Variants in CLMN observed in about 807,000 individuals in gnomAD.
CLMN encodes the protein calmin.
In CLMN, 57 loss-of-function variants were observed where a neutral mutation model predicts 92.7. That is an observed-to-expected ratio of 0.61 (90% confidence interval 0.50 to 0.77). CLMN has a LOEUF of 0.77. Among genes scored for constraint, CLMN ranks in the 30% least tolerant of loss-of-function variants. The pLI is 0.00. For missense variants in CLMN, 1,158 were observed against 1,237.5 expected (o/e 0.94, Z 0.96); for synonymous variants, 466 against 470.6 (o/e 0.99, Z 0.13).
intron 4 of CLMN, 97 bp from the exon 5 acceptor site, chr14:95,215,830 T>G (rs977029332): frequency 4.5e-6 from 2 of 444,542 alleles, no homozygotes; most frequent in African/African-American, 7.9e-5. Flanking sequence ...TGTGTGTGTG[T>G]GTGTGTGTGT....
intron 1 of CLMN, among the ~76,000 whole-genome samples, chr14:95,245,187 TA>T (rs1424893474): frequency 1.1e-4 from 4 of 37,680 alleles, no homozygotes; most frequent in African/African-American, 3.7e-4. Context: ...TATATATATA[TA>T]TATATAATAT....
In CLMN at chr14:95,217,400, G is replaced by A. The variant is rs549027217; in HGVS notation, c.325-1667C>T. Reference sequence around the variant, plus strand: ...TAGGCCTGGGCTTGCCTAATCGAGGGAGAGTTCTGGGTTCCCAAGCTGCAG... The same window carrying A: ...TAGGCCTGGGCTTGCCTAATCGAGGAAGAGTTCTGGGTTCCCAAGCTGCAG... On this transcript the variant is annotated intron_variant, in intron 4 of 12. Transcript: ENST00000298912. 6.4e-4 allele frequency among the ~76,000 whole-genome samples: 97 copies of A among 152,298 alleles called. 5 individuals are homozygous for A. The South Asian group carries it at 0.019, about 30-fold the overall frequency.
At chr14:95,314,877 C>T (rs767051294) in intron 1 of CLMN, among the ~76,000 whole-genome samples, 7 of 152,200 alleles carry the variant, frequency 4.6e-5, no homozygotes, top group Non-Finnish European at 1.0e-4. Flanking sequence ...AGGGGTAGTG[C>T]CCTGGCAGGC....
intron 9 of CLMN, among the ~76,000 whole-genome samples, chr14:95,197,401 GAAAA>G (rs578089369): frequency 2.0e-5 from 3 of 151,144 alleles, no homozygotes; most frequent in Non-Finnish European, 2.9e-5. Context: ...AAAGAAAAAA[GAAAA>G]AAAGAAAGAA....
intron 1 of CLMN, among the ~76,000 whole-genome samples, chr14:95,266,089 G>A (rs762576004): frequency 2.0e-5 from 3 of 152,212 alleles, no homozygotes; most frequent in African/African-American, 7.2e-5. Flanking sequence ...TTACAAATGC[G>A]TATCTAAAAG....
At chr14:95,261,556 CAGAAAGGCTGCA>C (rs1488050245) in intron 1 of CLMN, among the ~76,000 whole-genome samples, 1 of 152,242 alleles carries the variant, frequency 6.6e-6, no homozygotes, top group Non-Finnish European at 1.5e-5. Context: ...TGCTGAAGTG[CAGAAAGGCTGCA>C]ATATTCCCTG....
At chr14:95,236,197 G>A (rs1007826425) in intron 1 of CLMN, among the ~76,000 whole-genome samples, 2 of 152,320 alleles carry the variant, frequency 1.3e-5, no homozygotes, top group African/African-American at 4.8e-5. Context: ...GAACATGGCC[G>A]CTCAGTGAAA....
At chr14:95,319,303 T>TCACACACACACA (rs60670197) in intron 1 of CLMN, among the ~76,000 whole-genome samples, 12 of 144,106 alleles carry the variant, frequency 8.3e-5, no homozygotes, top group South Asian at 2.3e-4. Flanking sequence ...GTGCGCGAAC[T>TCACACACACACA]CACACACACA....
chr14:95,222,712 A>C (rs1483817189), intron 3 of CLMN: 1 of 418,958 alleles, frequency 2.4e-6, no homozygotes, highest in Non-Finnish European at 4.8e-6. Flanking sequence ...TAAGAAACCA[A>C]ATACTGTTGA....
rs1896499379 is a variant in CLMN at position 95,188,963 on chromosome 14, A to G, written c.*2601T>C. ...CCCATGTTCTCTTCCTCAGGAAGTT[A>G]TTAAAGAATGTGCCACACCAAAAAA... On this transcript the variant is annotated 3_prime_UTR_variant, in exon 13 of 13. Transcript: ENST00000298912. 6.7e-6 allele frequency: 1 copy of G among 149,896 alleles called. No homozygotes were observed. The highest frequency in any genetic ancestry group is 1.5e-5 in the Non-Finnish European group (1 of 67,644). 9.3% of individuals were successfully genotyped at this position (149,896 alleles called of 1,614,324 possible). A position where few individuals can be genotyped will look rare whatever the true frequency, so the allele number is the denominator to read the frequency against.
At chr14:95,236,113 C>G (rs1898046736) in intron 1 of CLMN, among the ~76,000 whole-genome samples, 1 of 152,242 alleles carries the variant, frequency 6.6e-6, no homozygotes, top group South Asian at 2.1e-4. Flanking sequence ...CTGTAAGCCT[C>G]AAACATTCCT....
intron 8 of CLMN, among the ~76,000 whole-genome samples, chr14:95,206,307 T>C (rs568205260): frequency 7.2e-5 from 11 of 152,096 alleles, no homozygotes; most frequent in African/African-American, 2.4e-4. Context: ...AAATTCACAA[T>C]CACAGTTGGA....
intron 1 of CLMN, among the ~76,000 whole-genome samples, chr14:95,305,974 T>C (rs904893506): frequency 2.6e-5 from 4 of 152,204 alleles, no homozygotes; most frequent in Non-Finnish European, 4.4e-5. Context: ...TATAAGTTCA[T>C]TTTCCCATGT....
chr14:95,221,400 C>G (rs933145547), intron 4 of CLMN, among the ~76,000 whole-genome samples: 1 of 152,198 alleles, frequency 6.6e-6, no homozygotes, highest in Admixed American at 6.5e-5. Context: ...AAAACGTGAA[C>G]TGAATTCTAA....
rs1595069301 is a variant in CLMN at position 95,259,877 on chromosome 14, G to T, written c.83-29744C>A. On this transcript the variant is annotated intron_variant, in intron 1 of 12. Coordinates refer to ENST00000298912, the MANE Select transcript of CLMN (RefSeq NM_024734.4). The surrounding 1 kb of genome is among the most constrained non-coding windows in gnomAD (Gnocchi z 4.3). ...CCTGGACGGCTATTCCCTTGCGCTT[G>T]GTGGCTCCTGAATATGCCTGCTTGC... 6.6e-6 allele frequency among the ~76,000 whole-genome samples: 1 copy of T among 152,150 alleles called. No individual in the cohort carries two copies. The highest frequency in any genetic ancestry group is 1.9e-4 in the East Asian group (1 of 5,190).
At position 95,221,794 on chromosome 14, in the gene CLMN, A is replaced by C. The variant is rs562377785; in HGVS notation, c.241-20T>G. On this transcript the variant is annotated intron_variant, in intron 3 of 12. Coordinates refer to ENST00000298912, the MANE Select transcript of CLMN (RefSeq NM_024734.4). ...GTGCAGCTATAAAACAGAACAGAACAAAACAAGCACATTAAACCCGCACAG... is the reference window on the plus strand; with the variant it reads ...GTGCAGCTATAAAACAGAACAGAACCAAACAAGCACATTAAACCCGCACAG... 6.2e-7 allele frequency: 1 copy of C among 1,612,214 alleles called. No homozygotes were observed. The highest frequency in any genetic ancestry group is 1.3e-5 in the African/African-American group (1 of 75,014).
At chr14:95,249,154 GACC>G (rs1424774353) in intron 1 of CLMN, among the ~76,000 whole-genome samples, 1 of 151,998 alleles carries the variant, frequency 6.6e-6, no homozygotes, top group Non-Finnish European at 1.5e-5. Context: ...ACACTATTTT[GACC>G]ACATTGTGTG....
chr14:95,286,064 G>A (rs1900329675), intron 1 of CLMN, among the ~76,000 whole-genome samples: 1 of 152,152 alleles, frequency 6.6e-6, no homozygotes, highest in Non-Finnish European at 1.5e-5. Context: ...CAAATGTCAG[G>A]CTGAAAAACT....
intron 12 of CLMN, 75 bp downstream of exon 12, chr14:95,193,774 C>G: frequency 1.5e-5 from 23 of 1,566,722 alleles, no homozygotes; most frequent in Non-Finnish European, 1.8e-5. Context: ...AGAATAACCA[C>G]CCCTGTAAGG....
Sources: allele counts gnomAD v4.1 joint callset (sites outside exome capture counted in the v4.1 genomes callset), GRCh38; gene constraint gnomAD v4.1.1; non-coding constraint Gnocchi (gnomAD v3.1); transcripts MANE v1.5; gene names NCBI Gene and HGNC (gene_info 2026-07-23, HGNC 2026-07-21).